Variants in VAT1L observed in about 807,000 individuals in gnomAD.
The protein encoded by VAT1L is putative NADPH-dependent quinone oxidoreductase VAT1L.
A neutral mutation model predicts 44.1 loss-of-function variants in VAT1L; 34 were observed. That is an observed-to-expected ratio of 0.77 (90% confidence interval 0.59 to 1.03). The LOEUF (loss-of-function observed/expected upper bound fraction) is 1.03, where lower values mean the gene tolerates loss of function less well. Among genes scored for constraint, VAT1L ranks in the 50% least tolerant of loss-of-function variants. VAT1L has a pLI of 0.00. For missense variants in VAT1L, 615 were observed against 538.8 expected (o/e 1.14, Z -1.40); for synonymous variants, 253 against 202.2 (o/e 1.25, Z -2.13).
chr16:77,899,228 G>T (rs766969034), intron 7 of VAT1L, among the ~76,000 whole-genome samples: 1 of 152,196 alleles, frequency 6.6e-6, no homozygotes, highest in Non-Finnish European at 1.5e-5. Flanking sequence ...AAAAGTGGTG[G>T]AGCCAAAACT....
chr16:77,970,295 C>T (rs1460325046), intron 7 of VAT1L, among the ~76,000 whole-genome samples: 1 of 152,098 alleles, frequency 6.6e-6, no homozygotes, highest in Non-Finnish European at 1.5e-5. Context: ...TTTAAAAGTG[C>T]ATTTATATTA....
At chr16:77,798,893 G>A (rs1180307277) in intron 1 of VAT1L, among the ~76,000 whole-genome samples, 3 of 150,952 alleles carry the variant, frequency 2.0e-5, no homozygotes, top group East Asian at 2.0e-4. Flanking sequence ...CCCCTCTCTC[G>A]TTATTTCAGC....
intron 4 of VAT1L, among the ~76,000 whole-genome samples, chr16:77,865,945 C>G (rs2016969573): frequency 6.6e-6 from 1 of 152,158 alleles, no homozygotes; most frequent in African/African-American, 2.4e-5. Flanking sequence ...CTCTCTTAGC[C>G]CCCACATCAC....
chr16:77,935,161 G>A (rs2017778239), intron 7 of VAT1L, among the ~76,000 whole-genome samples: 1 of 152,040 alleles, frequency 6.6e-6, no homozygotes, highest in Non-Finnish European at 1.5e-5. Context: ...AGAATGTACA[G>A]CATCTCTGAA....
At chr16:77,803,569 T>C (rs929117200) in intron 1 of VAT1L, among the ~76,000 whole-genome samples, 1 of 151,792 alleles carries the variant, frequency 6.6e-6, no homozygotes, top group Non-Finnish European at 1.5e-5. Context: ...ACAGGCGCCC[T>C]CCACCACGCC....
chr16:77,841,985 T>C (rs926689202), intron 3 of VAT1L, among the ~76,000 whole-genome samples: 1 of 152,106 alleles, frequency 6.6e-6, no homozygotes, highest in African/African-American at 2.4e-5. Context: ...CCTCCCGGGT[T>C]CACGCCATTC....
At chr16:77,907,176 A>C (rs2017446688) in intron 7 of VAT1L, among the ~76,000 whole-genome samples, 1 of 152,210 alleles carries the variant, frequency 6.6e-6, no homozygotes, top group African/African-American at 2.4e-5. Context: ...GGTTATCAAC[A>C]TGACATCACT....
At chr16:77,950,524 G>C (rs1300107467) in intron 7 of VAT1L, among the ~76,000 whole-genome samples, 1 of 151,754 alleles carries the variant, frequency 6.6e-6, no homozygotes, top group African/African-American at 2.4e-5. Flanking sequence ...TTGTGAGGTT[G>C]ATACAACCTA....
chr16:77,898,382 C>T (rs927624611), intron 7 of VAT1L, among the ~76,000 whole-genome samples: 11 of 152,132 alleles, frequency 7.2e-5, no homozygotes, highest in East Asian at 5.8e-4. Context: ...CGATCAAAAA[C>T]GGGAGATGCC....
chr16:77,906,254 T>G (rs1166264911), intron 7 of VAT1L, among the ~76,000 whole-genome samples: 1 of 152,220 alleles, frequency 6.6e-6, no homozygotes, highest in African/African-American at 2.4e-5. Context: ...TAAACTCATT[T>G]GATAATTACA....
At chr16:77,952,849 T>A in intron 7 of VAT1L, among the ~76,000 whole-genome samples, 1 of 63,550 alleles carries the variant, frequency 1.6e-5, no homozygotes, top group South Asian at 6.6e-4. Context: ...AGAGTGAGAC[T>A]CCATTTAAAA....
At position 77,946,608 on chromosome 16, in the gene VAT1L, C is replaced by G. The variant is rs553001733; in HGVS notation, c.1078-25242C>G. On this transcript the variant is annotated intron_variant, in intron 7 of 8. Coordinates refer to ENST00000302536, the MANE Select transcript of VAT1L (RefSeq NM_020927.3). The stretch of plus-strand genomic sequence containing the variant: ...GAGAATGTATCTTAAAGAAATAAAC[C>G]TCTACTTGGAATTTTATTTAAAAAG... Among the ~76,000 whole-genome samples, 357 of 152,238 alleles carry G rather than the reference C, an allele frequency of 2.3e-3. 3 individuals carry two copies. The highest frequency in any genetic ancestry group is 8.3e-3 in the African/African-American group (343 of 41,538).
At chr16:77,968,990 TG>T (rs1422072486) in intron 7 of VAT1L, among the ~76,000 whole-genome samples, 9 of 152,044 alleles carry the variant, frequency 5.9e-5, no homozygotes, top group Admixed American at 4.6e-4. Context: ...AACTAATTTT[TG>T]TTTTTTTAGT....
intron 3 of VAT1L, among the ~76,000 whole-genome samples, chr16:77,833,189 G>C (rs973937541): frequency 6.6e-6 from 1 of 152,180 alleles, no homozygotes; most frequent in East Asian, 1.9e-4. Flanking sequence ...CTAGGAGTTC[G>C]GTAGGGAATA....
intron 3 of VAT1L, among the ~76,000 whole-genome samples, chr16:77,828,284 A>T (rs973451428): frequency 5.9e-5 from 9 of 152,224 alleles, no homozygotes; most frequent in African/African-American, 2.2e-4. Context: ...GGAACTTTAC[A>T]GGTATGACTA....
At chr16:77,831,170 T>C (rs972422937) in intron 3 of VAT1L, among the ~76,000 whole-genome samples, 1 of 152,178 alleles carries the variant, frequency 6.6e-6, no homozygotes. Flanking sequence ...TGTCATTTAA[T>C]AGGTGGTGGG....
chr16:77,804,948 A>T (rs1181129338), intron 1 of VAT1L, among the ~76,000 whole-genome samples: 1 of 152,192 alleles, frequency 6.6e-6, no homozygotes, highest in Admixed American at 6.5e-5. Flanking sequence ...GATGGGTCGG[A>T]AAACTCCGTA....
At chr16:77,858,077 C>T (rs1233337030) in intron 3 of VAT1L, among the ~76,000 whole-genome samples, 1 of 152,190 alleles carries the variant, frequency 6.6e-6, no homozygotes, top group Non-Finnish European at 1.5e-5. Flanking sequence ...AGGTTCTGCA[C>T]TGGGCACAGG....
At chr16:77,914,854 G>A (rs987127973) in intron 7 of VAT1L, among the ~76,000 whole-genome samples, 10 of 152,302 alleles carry the variant, frequency 6.6e-5, no homozygotes, top group Non-Finnish European at 1.3e-4. Context: ...GGCCGGACAC[G>A]GTGGTTCACG....
Sources: gnomAD v4.1 joint callset for allele counts (sites outside exome capture counted in the v4.1 genomes callset) on GRCh38, gnomAD v4.1.1 for gene constraint, MANE v1.5 for transcripts, NCBI Gene and HGNC (gene_info 2026-07-23, HGNC 2026-07-21) for gene names.